ZNF451: variants seen among roughly 807,000 people sequenced by gnomAD.
The protein encoded by ZNF451 is zinc finger protein 451.
ZNF451 carries 80 observed loss-of-function variants against 107.1 expected under a neutral mutation model. That is an observed-to-expected ratio of 0.75 (90% confidence interval 0.62 to 0.90). The LOEUF (loss-of-function observed/expected upper bound fraction) is 0.90. Among genes scored for constraint, ZNF451 ranks in the 40% least tolerant of loss-of-function variants. The pLI, the probability that ZNF451 is intolerant of heterozygous loss-of-function variation, is 0.00. For missense variants in ZNF451, 1,107 were observed against 1,236.2 expected (o/e 0.90, Z 1.57); for synonymous variants, 362 against 406.5 (o/e 0.89, Z 1.32).
chr6:57,124,193 A>G (rs949911153), intron 3 of ZNF451, among the ~76,000 whole-genome samples: 10 of 152,034 alleles, frequency 6.6e-5, no homozygotes, highest in African/African-American at 2.4e-4. Flanking sequence ...CTTTGCTGAG[A>G]GTTTTTATCA....
chr6:57,110,051 G>A (rs1188157273), intron 3 of ZNF451, among the ~76,000 whole-genome samples: 1 of 152,134 alleles, frequency 6.6e-6, no homozygotes, highest in Non-Finnish European at 1.5e-5. Flanking sequence ...CCATATAGAG[G>A]GGTGAGGAAA....
intron 14 of ZNF451, among the ~76,000 whole-genome samples, chr6:57,161,865 A>T: frequency 6.6e-6 from 1 of 152,042 alleles, no homozygotes; most frequent in Non-Finnish European, 1.5e-5. Flanking sequence ...GCCCAGCTAA[A>T]AATTAAAATT....
chr6:57,118,692 T>TG (rs1285391498), intron 3 of ZNF451, among the ~76,000 whole-genome samples: 1 of 151,952 alleles, frequency 6.6e-6, no homozygotes, highest in Non-Finnish European at 1.5e-5. Context: ...CACTGTTAGC[T>TG]GGGCTGGTCT....
chr6:57,104,679 A>G, intron 3 of ZNF451: 1 of 985,132 alleles, frequency 1.0e-6, no homozygotes, highest in South Asian at 4.7e-5. Flanking sequence ...TGTTGACTAT[A>G]TTTGCATTGT....
intron 3 of ZNF451, chr6:57,108,534 T>A: frequency 1.0e-6 from 1 of 985,328 alleles, no homozygotes; most frequent in South Asian, 4.7e-5. Context: ...TTTTTACATA[T>A]TTAATTTACA....
In ZNF451 at chr6:57,138,737, ATATATG is replaced by A. The variant is rs1471194366; in HGVS notation, c.703-2563_703-2558del. On this transcript the variant is annotated intron_variant, in intron 7 of 14. Coordinates refer to ENST00000370706, the MANE Select transcript of ZNF451 (RefSeq NM_001031623.3). The stretch of plus-strand genomic sequence containing the variant: ...TATATATATATATATATATATATAT[ATATATG>A]TGTGTGTGTGTGTGTGTGTGTGTGT... Among the ~76,000 whole-genome samples, 800 of 91,060 alleles carry A rather than the reference ATATATG, an allele frequency of 8.8e-3. 1 individual carries two copies. The highest frequency in any genetic ancestry group is 0.011 in the Non-Finnish European group (520 of 48,878). The allele number at this position is 91,060 out of a possible 152,430, so 59.7% of individuals were successfully genotyped here. A position where few individuals can be genotyped will look rare whatever the true frequency, so the allele number is the denominator to read the frequency against.
chr6:57,134,621 A>T, intron 6 of ZNF451, 123 bp from the exon 7 acceptor site: 1 of 744,250 alleles, frequency 1.3e-6, no homozygotes, highest in South Asian at 2.3e-5. Context: ...TTAATATTTC[A>T]GTAGAAAAGT....
chr6:57,148,315 A>G lies in ZNF451; in HGVS notation c.2230A>G (p.Ile744Val), dbSNP rs2127979567. ...RKEDYSRCLQ[I>V]MLDKGKLWFR... ...AGAAGATTATAGCAGATGTCTCCAA[A>G]TCATGCTGGATAAAGGAAAACTGTG... The change falls in exon 10 of 15, where the codon ATC becomes GTC. Residue 744 changes from isoleucine (I) to valine (V), a missense_variant. Transcript: ENST00000370706. The G allele has an allele frequency of 1.9e-6, 3 of 1,614,084 alleles. No homozygotes were observed. The East Asian group carries it at 6.7e-5, about 36-fold the overall frequency.
chr6:57,109,121 C>A (rs1166888772), intron 3 of ZNF451: 1 of 985,308 alleles, frequency 1.0e-6, no homozygotes, highest in Non-Finnish European at 1.2e-6. Context: ...CTTGTCACAT[C>A]AGGAACCCTA....
At chr6:57,141,267 A>G in intron 7 of ZNF451, 35 bp from the exon 8 acceptor site, 1 of 1,502,488 alleles carries the variant, frequency 6.7e-7, no homozygotes, top group Non-Finnish European at 8.9e-7. Context: ...TGTTTATTTT[A>G]GTTTTCCATA....
At chr6:57,118,657 ATT>A (rs1379467031) in intron 3 of ZNF451, among the ~76,000 whole-genome samples, 3 of 151,448 alleles carry the variant, frequency 2.0e-5, no homozygotes, top group Non-Finnish European at 4.4e-5. Context: ...TAAATTTTTA[ATT>A]TTTTTGTAGA....
chr6:57,149,376 T>G (rs1391730188), intron 10 of ZNF451, among the ~76,000 whole-genome samples: 1 of 152,174 alleles, frequency 6.6e-6, no homozygotes, highest in Non-Finnish European at 1.5e-5. Context: ...ATAATTTGTT[T>G]TTGTTTAGAG....
At chr6:57,112,251 C>T (rs1830150195) in intron 3 of ZNF451, among the ~76,000 whole-genome samples, 1 of 152,092 alleles carries the variant, frequency 6.6e-6, no homozygotes, top group Non-Finnish European at 1.5e-5. Context: ...TTAGGATGGG[C>T]AATAATAAGC....
At chr6:57,104,310 G>A in intron 3 of ZNF451, 3 of 985,366 alleles carry the variant, frequency 3.0e-6, no homozygotes, top group Non-Finnish European at 3.6e-6. Flanking sequence ...TTTTATCTTA[G>A]AGGACTTGCC....
chr6:57,104,229 A>T, intron 3 of ZNF451: 1 of 985,416 alleles, frequency 1.0e-6, no homozygotes, highest in Non-Finnish European at 1.2e-6. Context: ...CTAAGAAATC[A>T]TACATTTTTG....
At chr6:57,120,454 G>A (rs761715617) in intron 3 of ZNF451, among the ~76,000 whole-genome samples, 5 of 152,158 alleles carry the variant, frequency 3.3e-5, no homozygotes, top group Non-Finnish European at 7.4e-5. Context: ...AATATGTTTA[G>A]TTTTGTAAGA....
In ZNF451 at chr6:57,109,121, C is replaced by T. The variant is rs1166888772; in HGVS notation, c.186+9980C>T. On this transcript the variant is annotated intron_variant, in intron 3 of 14. Coordinates refer to ENST00000370706, the MANE Select transcript of ZNF451 (RefSeq NM_001031623.3). Reference sequence around the variant, plus strand: ...TTCCTGATTATTTCACTTGTCACATCAGGAACCCTATCCTCTTAGTTCTCC... The same window carrying T: ...TTCCTGATTATTTCACTTGTCACATTAGGAACCCTATCCTCTTAGTTCTCC... The T allele has an allele frequency of 8.1e-6, 8 of 985,308 alleles. No individual in the cohort carries two copies. In the South Asian group the frequency reaches 3.3e-4, roughly 40 times the overall value. 61.0% of individuals were successfully genotyped at this position (985,308 alleles called of 1,614,324 possible).
intron 3 of ZNF451, among the ~76,000 whole-genome samples, chr6:57,113,662 C>T (rs1234706830): frequency 6.7e-6 from 1 of 148,578 alleles, no homozygotes; most frequent in African/African-American, 2.5e-5. Context: ...CGCTCTGTCA[C>T]CCAGGCTGGA....
intron 3 of ZNF451, chr6:57,107,086 T>C (rs1829896365): frequency 5.1e-6 from 5 of 985,234 alleles, no homozygotes; most frequent in Middle Eastern, 5.2e-4. Flanking sequence ...TTTGGTACCA[T>C]TGAGATAACT....
Sources: allele counts gnomAD v4.1 joint callset (sites outside exome capture counted in the v4.1 genomes callset), GRCh38; gene constraint gnomAD v4.1.1; transcripts MANE v1.5; gene names NCBI Gene and HGNC (gene_info 2026-07-23, HGNC 2026-07-21).